Variants in ASF1B observed in about 807,000 individuals in gnomAD.
ASF1B encodes the protein anti-silencing function 1B histone chaperone.
Under a neutral mutation model 16.6 loss-of-function variants are expected in ASF1B, and 10 were observed. The ratio of observed to expected loss-of-function variants is 0.60; its 90% CI spans 0.37 to 1.02. ASF1B has a LOEUF of 1.02. Ranked by LOEUF, ASF1B falls within the 50% of genes least tolerant of loss-of-function variation. The pLI is 0.01. For missense variants in ASF1B, 240 were observed against 266.0 expected (o/e 0.90, Z 0.68); for synonymous variants, 101 against 106.2 (o/e 0.95, Z 0.30).
intron 2 of ASF1B, among the ~76,000 whole-genome samples, chr19:14,122,417 G>A (rs1255625261): frequency 6.6e-6 from 1 of 151,444 alleles, no homozygotes; most frequent in African/African-American, 2.4e-5. Context: ...CCAGGCTGGA[G>A]TGCAATGGCG....
At chr19:14,133,451 T>C (rs957589038) in intron 1 of ASF1B, among the ~76,000 whole-genome samples, 62 of 152,140 alleles carry the variant, frequency 4.1e-4, no homozygotes, top group African/African-American at 1.5e-3. Context: ...GCGGATCACC[T>C]GAGGTCAGGA....
intron 1 of ASF1B, among the ~76,000 whole-genome samples, chr19:14,135,295 G>A (rs2144522675): frequency 6.6e-6 from 1 of 152,084 alleles, no homozygotes; most frequent in South Asian, 2.1e-4. Flanking sequence ...CAGTAACTCA[G>A]CTGGAAACGG....
At chr19:14,135,841 A>G (rs1471714581) in intron 1 of ASF1B, among the ~76,000 whole-genome samples, 1 of 151,788 alleles carries the variant, frequency 6.6e-6, no homozygotes, top group Non-Finnish European at 1.5e-5. Flanking sequence ...GAAAGAGGGA[A>G]TAAGTGGGCA....
intron 1 of ASF1B, among the ~76,000 whole-genome samples, chr19:14,129,710 A>G (rs1967371253): frequency 8.7e-6 from 1 of 114,792 alleles, no homozygotes; most frequent in Non-Finnish European, 1.8e-5. Flanking sequence ...AAAAAAAAAA[A>G]GAAGAAAGAA....
intron 3 of ASF1B, among the ~76,000 whole-genome samples, chr19:14,120,890 G>A (rs780442142): frequency 6.6e-6 from 1 of 152,030 alleles, no homozygotes; most frequent in Non-Finnish European, 1.5e-5. Context: ...CTGTGATCTC[G>A]TCTCACTGCA....
At chr19:14,126,468 CTAAT>C (rs1187994878) in intron 1 of ASF1B, among the ~76,000 whole-genome samples, 1 of 151,888 alleles carries the variant, frequency 6.6e-6, no homozygotes, top group Non-Finnish European at 1.5e-5. Flanking sequence ...CCACGCCTAG[CTAAT>C]TTTTTTTTTC....
chr19:14,130,792 T>TAC (rs1019358500), intron 1 of ASF1B, among the ~76,000 whole-genome samples: 1 of 148,954 alleles, frequency 6.7e-6, no homozygotes, highest in Non-Finnish European at 1.5e-5. Context: ...TGTGTGTATA[T>TAC]ATATATATAT....
chr19:14,127,256 C>G (rs1967332678), intron 1 of ASF1B, among the ~76,000 whole-genome samples: 1 of 152,216 alleles, frequency 6.6e-6, no homozygotes, highest in Admixed American at 6.5e-5. Flanking sequence ...CTTGACTATA[C>G]CTCTGGGGAA....
chr19:14,122,732 A>G (rs1472141809), intron 2 of ASF1B, among the ~76,000 whole-genome samples: 2 of 152,066 alleles, frequency 1.3e-5, no homozygotes, highest in African/African-American at 4.8e-5. Flanking sequence ...TGGCAGGGAG[A>G]GGTGCGTGGT....
chr19:14,135,221 CAAAAAAAAAA>C (rs34683519), intron 1 of ASF1B, among the ~76,000 whole-genome samples: 1 of 54,804 alleles, frequency 1.8e-5, no homozygotes, highest in Non-Finnish European at 3.8e-5. Context: ...GAGACTGTCT[CAAAAAAAAAA>C]AAAAAAAAAA....
intron 2 of ASF1B, among the ~76,000 whole-genome samples, chr19:14,124,584 C>T (rs1967290136): frequency 1.3e-5 from 2 of 152,172 alleles, no homozygotes; most frequent in Admixed American, 1.3e-4. Flanking sequence ...TGAACACCTG[C>T]TTGCTTTCAC....
At chr19:14,127,159 G>A (rs1184838192) in intron 1 of ASF1B, among the ~76,000 whole-genome samples, 1 of 152,192 alleles carries the variant, frequency 6.6e-6, no homozygotes, top group African/African-American at 2.4e-5. Flanking sequence ...TTAGTGCCAG[G>A]CACTGCAGTC....
intron 3 of ASF1B, 140 bp downstream of exon 3, chr19:14,121,392 T>A: frequency 1.1e-6 from 1 of 930,790 alleles, no homozygotes; most frequent in African/African-American, 1.7e-5. Flanking sequence ...CTTTTTCTCC[T>A]CTTCTAACAC....
intron 1 of ASF1B, among the ~76,000 whole-genome samples, chr19:14,135,099 C>CT (rs939064460): frequency 6.6e-6 from 1 of 151,738 alleles, no homozygotes; most frequent in African/African-American, 2.4e-5. Context: ...TGACAGGCGC[C>CT]TGTAGTCCCA....
At chr19:14,133,194 T>G (rs576322354) in intron 1 of ASF1B, among the ~76,000 whole-genome samples, 3 of 152,310 alleles carry the variant, frequency 2.0e-5, no homozygotes, top group East Asian at 3.9e-4. Flanking sequence ...TTGAGTGTCC[T>G]GATTAGGCAA....
At chr19:14,134,532 T>C (rs918864359) in intron 1 of ASF1B, among the ~76,000 whole-genome samples, 2 of 152,084 alleles carry the variant, frequency 1.3e-5, no homozygotes, top group Non-Finnish European at 2.9e-5. Flanking sequence ...CCTCGGCTGC[T>C]GCCTTTTCTC....
At chr19:14,129,707 A>G (rs1359552972) in intron 1 of ASF1B, among the ~76,000 whole-genome samples, 1 of 144,116 alleles carries the variant, frequency 6.9e-6, no homozygotes, top group Non-Finnish European at 1.5e-5. Context: ...AAAAAAAAAA[A>G]AAAGAAGAAA....
At chr19:14,131,332 G>A (rs968491819) in intron 1 of ASF1B, among the ~76,000 whole-genome samples, 1 of 149,588 alleles carries the variant, frequency 6.7e-6, no homozygotes, top group South Asian at 2.1e-4. Context: ...TTATAGCTGC[G>A]TGCCACCATG....
intron 1 of ASF1B, among the ~76,000 whole-genome samples, chr19:14,133,051 C>T (rs566058414): frequency 1.3e-5 from 2 of 150,604 alleles, no homozygotes; most frequent in Admixed American, 6.6e-5. Flanking sequence ...ACCCGGGAGG[C>T]GGAGCTTGCA....
Sources: gnomAD v4.1 joint callset for allele counts (sites outside exome capture counted in the v4.1 genomes callset) on GRCh38, gnomAD v4.1.1 for gene constraint, MANE v1.5 for transcripts, NCBI Gene and HGNC (gene_info 2026-07-23, HGNC 2026-07-21) for gene names.